Variants in CTDSP1 observed in about 807,000 individuals in gnomAD.
CTDSP1 encodes CTD small phosphatase 1.
A neutral mutation model predicts 32.5 loss-of-function variants in CTDSP1; 15 were observed. The ratio of observed to expected loss-of-function variants is 0.46; its 90% CI spans 0.31 to 0.71. CTDSP1 has a LOEUF of 0.71. Ranked by LOEUF, CTDSP1 falls within the 30% of genes least tolerant of loss-of-function variation. CTDSP1 has a pLI of 0.05. For missense variants in CTDSP1, 294 were observed against 351.1 expected, an observed-to-expected ratio of 0.84 and a Z score of 1.30; for synonymous variants, 185 against 145.4, an observed-to-expected ratio of 1.27 and a Z score of -1.96.
At chr2:218,398,387 T>G, upstream of CTDSP1, 1 of 1,534,102 alleles carries the variant, frequency 6.5e-7, no homozygotes, top group African/African-American at 1.4e-5. Flanking sequence ...GCCAGCAGCG[T>G]GTGGCGATCA....
chr2:218,403,997 C>A (rs190211711), intron 6 of CTDSP1, among the ~76,000 whole-genome samples: 2 of 151,936 alleles, frequency 1.3e-5, no homozygotes, highest in African/African-American at 4.8e-5. Context: ...GAGGCAGAGG[C>A]TGTGGTGAGC....
intron 2 of CTDSP1, 40 bp downstream of exon 2, chr2:218,401,752 TCA>T: frequency 4.0e-6 from 6 of 1,509,926 alleles, no homozygotes; most frequent in Non-Finnish European, 5.3e-6. Flanking sequence ...GCACCTGGAC[TCA>T]GTCTTCAGGG....
At chr2:218,400,716 C>T (rs1484064924) in intron 1 of CTDSP1, 4 of 455,806 alleles carry the variant, frequency 8.8e-6, no homozygotes, top group African/African-American at 6.0e-5. Context: ...AGAGGACGGC[C>T]GGCACTTCCA....
intron 2 of CTDSP1, 80 bp from the exon 3 acceptor site, chr2:218,402,031 C>T (rs1045932041): frequency 1.1e-5 from 11 of 984,626 alleles, no homozygotes; most frequent in East Asian, 7.8e-5. Context: ...CCTCTGGAGA[C>T]GGCTAGGGGG....
chr2:218,404,490 G>A lies in CTDSP1; in HGVS notation c.*65G>A, dbSNP rs1279144826. ...ACCCACACCTCCTCCCAGGAAGACTGCCCAGGCCTTTGTTAGGAAAACCCA... is the reference window on the plus strand; with the variant it reads ...ACCCACACCTCCTCCCAGGAAGACTACCCAGGCCTTTGTTAGGAAAACCCA... On this transcript the variant is annotated 3_prime_UTR_variant, in exon 7 of 7. Coordinates refer to ENST00000273062, the MANE Select transcript of CTDSP1 (RefSeq NM_021198.3). 1.3e-6 allele frequency: 2 copies of A among 1,586,318 alleles called. No homozygotes were observed. Among genetic ancestry groups the A allele is most frequent in the African/African-American group, 1.3e-5 (1 of 74,256 alleles).
chr2:218,402,502 C>G, intron 4 of CTDSP1, 97 bp downstream of exon 4: 1 of 1,239,836 alleles, frequency 8.1e-7, no homozygotes, highest in Non-Finnish European at 1.2e-6. Flanking sequence ...GAATTGGATA[C>G]ATGTGGAATG....
chr2:218,404,319 A>G lies in CTDSP1; in HGVS notation c.680A>G (p.Asp227Gly). Residue 227 changes from aspartate (D) to glycine (G), a missense_variant, in exon 7 of 7, where the codon GAC (aspartate) becomes GGC (glycine). Physicochemically the swap from Asp to Gly is moderately conservative, Grantham distance 94. Coordinates refer to ENST00000273062, the MANE Select transcript of CTDSP1 (RefSeq NM_021198.3). ...CAGGTACCGGTGGCCTCGTGGTTTG[A>G]CAACATGAGTGACACAGAGCTCCAC... Reference protein sequence around the residue: ...DNAVPVASWFDNMSDTELHDL... With the variant: ...DNAVPVASWFGNMSDTELHDL... 1 of 1,614,088 alleles carries G rather than the reference A, an allele frequency of 6.2e-7. No individual in the cohort carries two copies. The highest frequency in any genetic ancestry group is 8.5e-7 in the Non-Finnish European group (1 of 1,180,006).
rs1329245623 is a variant in CTDSP1, at chr2:218,404,429, G to C, written c.*4G>C. 6.2e-7 allele frequency: 1 copy of C among 1,613,948 alleles called. No homozygotes were observed. The highest frequency in any genetic ancestry group is 8.5e-7 in the Non-Finnish European group (1 of 1,179,954). ...GCAGCCACGGCCAGGGAGCTAGTGA[G>C]GGTGATGGGGCCAGGACCTGCCCCT... On this transcript the variant is annotated 3_prime_UTR_variant, in exon 7 of 7. Transcript: ENST00000273062.
Position 218,400,056 on chromosome 2 carries a change from CCA to C in CTDSP1, c.-34_-33del. 1 of 1,359,134 alleles carries C rather than the reference CCA, an allele frequency of 7.4e-7. No homozygotes were observed. The highest frequency in any genetic ancestry group is 3.3e-5 in the East Asian group (1 of 30,540). 84.2% of individuals were successfully genotyped at this position (1,359,134 alleles called of 1,614,324 possible). On this transcript the variant is annotated 5_prime_UTR_variant, in exon 1 of 7. Transcript: ENST00000273062. ...CCGGGGGGGAGGCCGGGCGCCCGGG[CCA>C]GAGTCCGGCCGGAGCGGAGCGCGCC...
At position 218,403,447 on chromosome 2, in the gene CTDSP1, A is replaced by G. The variant is rs767762395; in HGVS notation, c.657+30A>G. 6 of 1,545,162 alleles carry G rather than the reference A, an allele frequency of 3.9e-6. No individual in the cohort carries two copies. The Admixed American group carries it at 9.2e-5, about 24-fold the overall frequency. Reference sequence around the variant, plus strand: ...GTGCGGGCTGGACTGGGACTGGGACAGGAGCTGAGACCCAGGAAGGGGTCA... The same window carrying G: ...GTGCGGGCTGGACTGGGACTGGGACGGGAGCTGAGACCCAGGAAGGGGTCA... On this transcript the variant is annotated intron_variant, in intron 6 of 6. Transcript: ENST00000273062.
At position 218,400,146 on chromosome 2, in the gene CTDSP1, T is replaced by C; in HGVS notation, c.56T>C (p.Leu19Pro). The C allele has an allele frequency of 1.3e-6, 2 of 1,545,362 alleles. No homozygotes were observed. The highest frequency in any genetic ancestry group is 1.7e-6 in the Non-Finnish European group (2 of 1,145,246). The change falls in exon 1 of 7, where the codon CTG (leucine) becomes CCG (proline). Residue 19 changes from leucine (L) to proline (P), a missense_variant. Leu to Pro is a moderately conservative substitution (Grantham distance 98). Transcript: ENST00000273062. Reference protein sequence around the residue: ...QISKEEARGPLRGKGDQKSAA... With the variant: ...QISKEEARGPPRGKGDQKSAA... ...AGCAAGGAGGAGGCTCGGGGCCCGC[T>C]GCGGGGCAAAGGTACCGGGGCTGCG...
upstream of CTDSP1, among the ~76,000 whole-genome samples, chr2:218,397,268 G>A (rs555883892): frequency 2.4e-3 from 367 of 152,320 alleles, 2 homozygotes; most frequent in Non-Finnish European, 3.5e-3. Flanking sequence ...TTGGACACTG[G>A]AAGGCGTCTA....
rs2227256 is a variant in CTDSP1, at chr2:218,403,147, C to T, written c.471+20C>T. On this transcript the variant is annotated intron_variant, in intron 5 of 6. Transcript: ENST00000273062. ...GCCAAGGTGAGCCCCACAGGGGTCC[C>T]GGGGCAACCCTGCCCTCCTACCTAC... is the stretch of plus-strand genomic sequence containing the variant. 2.5e-3 allele frequency: 4,094 copies of T among 1,613,726 alleles called. 87 individuals carry two copies. The African/African-American group carries it at 0.047, about 19-fold the overall frequency.
chr2:218,397,163 G>A (rs1211448109), upstream of CTDSP1, among the ~76,000 whole-genome samples: 2 of 152,160 alleles, frequency 1.3e-5, no homozygotes, highest in Admixed American at 6.5e-5. Context: ...GCAGAGTAAT[G>A]GGCAGGTTGG....
At chr2:218,404,263 T>C in intron 6 of CTDSP1, 34 bp from the exon 7 acceptor site, 1 of 1,608,288 alleles carries the variant, frequency 6.2e-7, no homozygotes, top group African/African-American at 1.3e-5. Context: ...CAGGACCACC[T>C]GCCCCCCTCA....
In CTDSP1 at chr2:218,401,582, C is replaced by T. The variant is rs1166301001; in HGVS notation, c.86C>T (p.Ala29Val). 1.9e-6 allele frequency: 3 copies of T among 1,613,964 alleles called. No homozygotes were observed. The highest frequency in any genetic ancestry group is 8.5e-7 in the Non-Finnish European group (1 of 1,179,936). ...ACTTCAGGTGACCAGAAGTCAGCAG[C>T]TTCCCAGAAGCCCCGAAGCCGGGGC... ...LRGKGDQKSA[A>V]SQKPRSRGIL... The change falls in exon 2 of 7, where the codon GCT (alanine) becomes GTT (valine). Residue 29 changes from alanine (A) to valine (V), a missense_variant. Ala to Val is a moderately conservative substitution (Grantham distance 64). This residue lies in a region of CTDSP1 where 148 missense variants were observed against 113.3 expected (regional missense o/e 1.31). Transcript: ENST00000273062.
At chr2:218,404,089 G>A (rs1057133825) in intron 6 of CTDSP1, among the ~76,000 whole-genome samples, 5 of 152,092 alleles carry the variant, frequency 3.3e-5, no homozygotes, top group Admixed American at 1.3e-4. Context: ...CGAGTGCTTC[G>A]CACAGATAAG....
upstream of CTDSP1, chr2:218,398,414 T>C: frequency 1.3e-6 from 2 of 1,535,258 alleles, no homozygotes; most frequent in Non-Finnish European, 1.7e-6. Flanking sequence ...TGAAGCGCAA[T>C]GGTGGCCGCC....
intron 5 of CTDSP1, 25 bp downstream of exon 5, chr2:218,403,152 C>T (rs766196233): frequency 1.2e-5 from 20 of 1,613,386 alleles, no homozygotes; most frequent in Non-Finnish European, 1.6e-5. Context: ...GGTCCCGGGG[C>T]AACCCTGCCC....
Sources: allele counts gnomAD v4.1 joint callset (sites outside exome capture counted in the v4.1 genomes callset), GRCh38; gene constraint gnomAD v4.1.1; regional missense constraint gnomAD v4.1.1; transcripts MANE v1.5; gene names NCBI Gene and HGNC (gene_info 2026-07-23, HGNC 2026-07-21).